MSR1: variants seen among roughly 807,000 people sequenced by gnomAD.
The protein encoded by MSR1 is macrophage scavenger receptor 1.
MSR1 carries 53 observed loss-of-function variants against 47.2 expected under a neutral mutation model. The ratio of observed to expected loss-of-function variants is 1.12; its 90% CI spans 0.90 to 1.41. The LOEUF (loss-of-function observed/expected upper bound fraction) is 1.41. Among genes scored for constraint, MSR1 ranks in the 40% most tolerant of loss-of-function variants. MSR1 has a pLI of 0.00. For missense variants in MSR1, 786 were observed against 546.9 expected (o/e 1.44, Z -4.36); for synonymous variants, 239 against 185.6 (o/e 1.29, Z -2.34).
chr8:16,139,451 T>C, intron 8 of MSR1: 5 of 977,552 alleles, frequency 5.1e-6, no homozygotes, highest in Non-Finnish European at 6.1e-6. Context: ...AATGCTGAGA[T>C]ACACAGAGGC....
chr8:16,128,011 C>G (rs1440043479), intron 8 of MSR1, among the ~76,000 whole-genome samples: 1 of 152,120 alleles, frequency 6.6e-6, no homozygotes, highest in Non-Finnish European at 1.5e-5. Context: ...AAAAGAACAT[C>G]ACTGAAATGT....
chr8:16,118,449 A>G (rs569316846), intron 9 of MSR1, among the ~76,000 whole-genome samples: 4 of 152,286 alleles, frequency 2.6e-5, no homozygotes, highest in Middle Eastern at 6.8e-3. Flanking sequence ...AACAATTTGG[A>G]AACGTGGGCT....
At chr8:16,186,280 G>C in intron 1 of MSR1, 4 of 1,319,526 alleles carry the variant, frequency 3.0e-6, no homozygotes, top group Middle Eastern at 1.8e-4. Context: ...AGTGAGCCAG[G>C]GTCCAGTTTC....
intron 2 of MSR1, among the ~76,000 whole-genome samples, chr8:16,176,389 C>T (rs937130186): frequency 7.9e-5 from 12 of 151,754 alleles, no homozygotes; most frequent in African/African-American, 2.9e-4. Context: ...TCCCTGTAAC[C>T]CAAGATACTT....
chr8:16,118,148 A>G (rs986874502), intron 9 of MSR1, among the ~76,000 whole-genome samples: 13 of 152,128 alleles, frequency 8.5e-5, no homozygotes, highest in Admixed American at 2.0e-4. Flanking sequence ...GCTTGTCTGC[A>G]TTGATTATAT....
intron 8 of MSR1, among the ~76,000 whole-genome samples, chr8:16,136,087 T>C (rs1427169047): frequency 2.6e-5 from 4 of 152,158 alleles, no homozygotes. Flanking sequence ...ATCATATAGA[T>C]TTAGTTGACA....
chr8:16,187,151 T>A (rs1282080706), intron 1 of MSR1, among the ~76,000 whole-genome samples: 3 of 151,354 alleles, frequency 2.0e-5, no homozygotes, highest in African/African-American at 7.3e-5. Flanking sequence ...TCACCTGAGG[T>A]CAGGAGTTCG....
chr8:16,151,009 A>G (rs1800843250), intron 6 of MSR1, among the ~76,000 whole-genome samples: 1 of 152,132 alleles, frequency 6.6e-6, no homozygotes. Flanking sequence ...GGTGATCATA[A>G]CAACTGTATA....
intron 4 of MSR1, among the ~76,000 whole-genome samples, chr8:16,168,218 T>C (rs1162506323): frequency 2.0e-5 from 3 of 152,226 alleles, no homozygotes; most frequent in African/African-American, 2.4e-5. Context: ...TTATAAAATA[T>C]GTAAAGGGAG....
chr8:16,140,266 G>A, intron 8 of MSR1: 1 of 983,550 alleles, frequency 1.0e-6, no homozygotes, highest in Non-Finnish European at 1.2e-6. Context: ...ATAGAACAAG[G>A]CTCTGTCTCT....
intron 1 of MSR1, among the ~76,000 whole-genome samples, chr8:16,191,459 G>C (rs1475489194): frequency 6.6e-6 from 1 of 152,090 alleles, no homozygotes; most frequent in Non-Finnish European, 1.5e-5. Flanking sequence ...AATAATTTTT[G>C]TAAATTGCCT....
At chr8:16,139,599 TAA>T in intron 8 of MSR1, 1 of 974,190 alleles carries the variant, frequency 1.0e-6, no homozygotes, top group South Asian at 4.8e-5. Context: ...TGTAATCCCA[TAA>T]GAGATTTTTA....
intron 1 of MSR1, among the ~76,000 whole-genome samples, chr8:16,178,497 G>A (rs1188827538): frequency 6.6e-6 from 1 of 152,006 alleles, no homozygotes; most frequent in Non-Finnish European, 1.5e-5. Flanking sequence ...CTTAATCCAG[G>A]CTATCGTTGG....
At chr8:16,138,179 A>G (rs1475906559) in intron 8 of MSR1, among the ~76,000 whole-genome samples, 2 of 152,192 alleles carry the variant, frequency 1.3e-5, no homozygotes, top group Admixed American at 1.3e-4. Flanking sequence ...CAAAATTCAC[A>G]TCCTAGTTGT....
intron 9 of MSR1, among the ~76,000 whole-genome samples, chr8:16,113,674 C>T (rs762327149): frequency 2.0e-5 from 3 of 152,036 alleles, no homozygotes; most frequent in Admixed American, 6.6e-5. Context: ...CTCATTTTTC[C>T]TCAATTTTAT....
chr8:16,143,586 T>C lies in MSR1; in HGVS notation c.1005A>G (p.Lys335=), dbSNP rs145877878. The stretch of plus-strand genomic sequence containing the variant: ...ATGTGTTTCCACTCCCCTTTTCCCC[T>C]TTCTGGCCTTTTGGTCCAGAATTTC... ...RPGNSGPKGQ[K]GEKGSGNTLT... is the part of the protein sequence containing the mutation. Residue 335 remains lysine, a synonymous_variant, in exon 8 of 10, where the codon AAA becomes AAG. Transcript: ENST00000262101. 1.2e-6 allele frequency: 2 copies of C among 1,612,528 alleles called. No homozygotes were observed. The highest frequency in any genetic ancestry group is 1.7e-6 in the Non-Finnish European group (2 of 1,178,992).
At position 16,149,633 on chromosome 8, in the gene MSR1, G is replaced by A. The variant is rs1270844887; in HGVS notation, c.979+598C>T. Among the ~76,000 whole-genome samples the A allele has an allele frequency of 5.3e-5, 8 of 152,216 alleles. 1 individual carries two copies. The East Asian group carries it at 1.5e-3, about 29-fold the overall frequency. On this transcript the variant is annotated intron_variant, in intron 7 of 9. Transcript: ENST00000262101. The stretch of plus-strand genomic sequence containing the variant: ...TTTGCAATTTAAGCTTAGGCTACTG[G>A]CAGAGCTGATGGAAATAATATCATC...
Position 16,120,426 on chromosome 8 carries a change from A to T in MSR1, c.1214T>A (p.Phe405Tyr). ...GVQAVHKAAH[F>Y]GQGTGPIWLN... ...GATTTTCTTTAAATTACCTTGTCCA[A>T]AGTGAGCTGCCTTGTGCACGGCTTG... Residue 405 changes from phenylalanine (F) to tyrosine (Y), a missense_variant, in exon 9 of 10, where the codon TTT (phenylalanine) becomes TAT (tyrosine). Phe to Tyr is a conservative substitution (Grantham distance 22). Coordinates refer to ENST00000262101, the MANE Select transcript of MSR1 (RefSeq NM_138715.3). The T allele has an allele frequency of 6.2e-7, 1 of 1,613,798 alleles. No individual in the cohort carries two copies. The highest frequency in any genetic ancestry group is 8.5e-7 in the Non-Finnish European group (1 of 1,179,878).
intron 5 of MSR1, among the ~76,000 whole-genome samples, chr8:16,161,223 A>G (rs914093522): frequency 2.6e-5 from 4 of 151,844 alleles, no homozygotes; most frequent in Non-Finnish European, 5.9e-5. Flanking sequence ...AATGGATTAC[A>G]TAGAGAATGA....
Sources: allele counts gnomAD v4.1 joint callset (sites outside exome capture counted in the v4.1 genomes callset), GRCh38; gene constraint gnomAD v4.1.1; transcripts MANE v1.5; gene names NCBI Gene and HGNC (gene_info 2026-07-23, HGNC 2026-07-21).